The following ABHD2 variants were observed in gnomAD, a reference collection of about 807,000 sequenced individuals.
The protein encoded by ABHD2 is monoacylglycerol lipase ABHD2.
A neutral mutation model predicts 48.1 loss-of-function variants in ABHD2; 20 were observed. The ratio of observed to expected loss-of-function variants is 0.42; its 90% CI spans 0.29 to 0.60. The LOEUF (loss-of-function observed/expected upper bound fraction) is 0.60. ABHD2 is among the 20% of genes least tolerant of loss of function. The probability of loss-of-function intolerance (pLI) is 0.24; values close to 1 mark genes in which losing one functional copy is unlikely to be tolerated. For missense variants in ABHD2, 405 were observed against 550.9 expected (o/e 0.74, Z 2.65); for synonymous variants, 209 against 214.2 (o/e 0.98, Z 0.21).
intron 5 of ABHD2, among the ~76,000 whole-genome samples, chr15:89,161,929 T>G (rs1361740350): frequency 6.6e-6 from 1 of 152,220 alleles, no homozygotes; most frequent in African/African-American, 2.4e-5. Context: ...TGGTTTCTTC[T>G]GAGACCTCTC....
the ABHD2 span, among the ~76,000 whole-genome samples, chr15:89,071,236 A>G: frequency 6.6e-6 from 1 of 152,162 alleles, no homozygotes; most frequent in South Asian, 2.1e-4. Flanking sequence ...CCTGGCCAAC[A>G]TGGTGAAACC....
chr15:89,189,785 G>A lies in ABHD2; in HGVS notation c.927-1295G>A. On this transcript the variant is annotated intron_variant, in intron 8 of 10. Transcript: ENST00000352732. The surrounding 1 kb of genome is among the most constrained non-coding windows in gnomAD (Gnocchi z 4.9). ...GTGTGTGACTGTATTGCGGTGTGTG[G>A]TAAGAAAAAACAAATTAAATTTCCC... is the stretch of plus-strand genomic sequence containing the variant. 7.1e-6 allele frequency among the ~76,000 whole-genome samples: 1 copy of A among 139,966 alleles called. No homozygotes were observed. The highest frequency in any genetic ancestry group is 1.9e-4 in the East Asian group (1 of 5,198). The allele number at this position is 139,966 out of a possible 152,430, so 91.8% of individuals were successfully genotyped here. A position where few individuals can be genotyped will look rare whatever the true frequency, so the allele number is the denominator to read the frequency against.
intron 3 of ABHD2, among the ~76,000 whole-genome samples, chr15:89,144,385 G>T (rs1430411131): frequency 6.6e-6 from 1 of 152,114 alleles, no homozygotes; most frequent in Non-Finnish European, 1.5e-5. Context: ...TGCCTGCCTT[G>T]GCCTCCCAAA....
chr15:89,176,127 G>C lies in ABHD2; in HGVS notation c.722+132G>C, dbSNP rs2051009320. On this transcript the variant is annotated intron_variant, in intron 6 of 10. Transcript: ENST00000352732. This position sits in a 1 kb window ranked among gnomAD's most constrained non-coding sequence, Gnocchi z 4.5. ...ACTGAGTAGAAGTTTCTGAGTCTTG[G>C]ACTCACCTTGTTTTGTCTGCATATC... 2.0e-6 allele frequency: 2 copies of C among 983,916 alleles called. No individual in the cohort carries two copies. The highest frequency in any genetic ancestry group is 3.9e-5 in the South Asian group (2 of 50,968). The allele number at this position is 983,916 out of a possible 1,614,324, so 60.9% of individuals were successfully genotyped here. A position where few individuals can be genotyped will look rare whatever the true frequency, so the allele number is the denominator to read the frequency against.
intron 1 of ABHD2, among the ~76,000 whole-genome samples, chr15:89,098,364 C>T (rs897951782): frequency 6.6e-6 from 1 of 151,970 alleles, no homozygotes. Flanking sequence ...GAGAAAAATT[C>T]AGAGTTCAGC....
At chr15:89,138,826 G>A (rs534804437) in intron 3 of ABHD2, among the ~76,000 whole-genome samples, 250 of 152,012 alleles carry the variant, frequency 1.6e-3, no homozygotes, top group African/African-American at 5.9e-3. Context: ...GCTTTGGACT[G>A]AATCAGAGAC....
At chr15:89,126,076 G>A (rs937303710) in intron 3 of ABHD2, among the ~76,000 whole-genome samples, 4 of 152,040 alleles carry the variant, frequency 2.6e-5, no homozygotes, top group African/African-American at 9.7e-5. Context: ...CCCTTATACC[G>A]CCCTATTCAT....
At chr15:89,187,186 C>T (rs780442199) in intron 7 of ABHD2, among the ~76,000 whole-genome samples, 4 of 152,208 alleles carry the variant, frequency 2.6e-5, no homozygotes, top group Non-Finnish European at 4.4e-5. Context: ...TGACTCCTCC[C>T]AGGAAACATT....
chr15:89,141,503 T>G (rs1484002231), intron 3 of ABHD2, among the ~76,000 whole-genome samples: 1 of 152,090 alleles, frequency 6.6e-6, no homozygotes, highest in Non-Finnish European at 1.5e-5. Context: ...CATGGTGGCG[T>G]GCGCCTGTAA....
At chr15:89,143,559 T>TG (rs1476451950) in intron 3 of ABHD2, among the ~76,000 whole-genome samples, 1 of 151,938 alleles carries the variant, frequency 6.6e-6, no homozygotes, top group Non-Finnish European at 1.5e-5. Context: ...CCCAGCTACA[T>TG]GGGAGGCTTA....
chr15:89,167,851 G>A lies in ABHD2; in HGVS notation c.539-7961G>A, dbSNP rs1400734657. Among the ~76,000 whole-genome samples the A allele has an allele frequency of 6.6e-6, 1 of 152,226 alleles. No individual in the cohort carries two copies. The highest frequency in any genetic ancestry group is 2.4e-5 in the African/African-American group (1 of 41,452). On this transcript the variant is annotated intron_variant, in intron 5 of 10. Coordinates refer to ENST00000352732, the MANE Select transcript of ABHD2 (RefSeq NM_152924.5). This position sits in a 1 kb window ranked among gnomAD's most constrained non-coding sequence, Gnocchi z 5.5. The stretch of plus-strand genomic sequence containing the variant: ...GTCAGCGAGCCATGTTAGCTTAACT[G>A]TATTTTTCTCTTAGGCTAAACTTAG...
chr15:89,172,845 T>G (rs2050952239), intron 5 of ABHD2, among the ~76,000 whole-genome samples: 1 of 152,216 alleles, frequency 6.6e-6, no homozygotes, highest in African/African-American at 2.4e-5. Flanking sequence ...TCTGGGCTGT[T>G]TGTTGAAAGT....
In ABHD2 at chr15:89,195,244, A is replaced by C. The variant is rs147106119; in HGVS notation, c.1099A>C (p.Met367Leu). 2.6e-4 allele frequency: 416 copies of C among 1,613,780 alleles called. 2 individuals are homozygous for C. The African/African-American group carries it at 5.2e-3, about 20-fold the overall frequency. ...CCCTGCAGAGAAACGAGAGAACGTCATGTTTGTGCTGCCTCTGCATGGGGG... is the reference window on the plus strand; with the variant it reads ...CCCTGCAGAGAAACGAGAGAACGTCCTGTTTGTGCTGCCTCTGCATGGGGG... ...KSLSEKRENV[M>L]FVLPLHGGHL... Residue 367 changes from methionine (M) to leucine (L), a missense_variant, in exon 11 of 11, where the codon ATG becomes CTG. Coordinates refer to ENST00000352732, the MANE Select transcript of ABHD2 (RefSeq NM_152924.5). This position sits in a 1 kb window ranked among gnomAD's most constrained non-coding sequence, Gnocchi z 5.1.
At chr15:89,141,520 C>A (rs915296781) in intron 3 of ABHD2, among the ~76,000 whole-genome samples, 40 of 152,266 alleles carry the variant, frequency 2.6e-4, no homozygotes, top group Non-Finnish European at 4.0e-4. Flanking sequence ...GTAACCCCAG[C>A]TACCCAGGAG....
chr15:89,045,330 A>G, the ABHD2 span, among the ~76,000 whole-genome samples: 1 of 152,218 alleles, frequency 6.6e-6, no homozygotes, highest in South Asian at 2.1e-4. Flanking sequence ...GTTTGAAGTC[A>G]GGTAGTGTGA....
At position 89,195,560 on chromosome 15, in the gene ABHD2, A is replaced by C; in HGVS notation, c.*137A>C. On this transcript the variant is annotated 3_prime_UTR_variant, in exon 11 of 11. Transcript: ENST00000352732. This position sits in a 1 kb window ranked among gnomAD's most constrained non-coding sequence, Gnocchi z 5.1. ...TCAGCAGGGGGCACCCACCATGCACACCTGTCTCGGAGTAGGCAGCTCTTC... is the reference window on the plus strand; with the variant it reads ...TCAGCAGGGGGCACCCACCATGCACCCCTGTCTCGGAGTAGGCAGCTCTTC... 2.2e-6 allele frequency: 2 copies of C among 893,284 alleles called. No homozygotes were observed. The highest frequency in any genetic ancestry group is 1.9e-5 in the South Asian group (1 of 52,834). 55.3% of individuals were successfully genotyped at this position (893,284 alleles called of 1,614,324 possible).
At chr15:89,043,536 G>C in the ABHD2 span, among the ~76,000 whole-genome samples, 1 of 148,150 alleles carries the variant, frequency 6.7e-6, no homozygotes, top group African/African-American at 2.5e-5. Context: ...GGGAGGAGGG[G>C]AAGGGAAAGA....
At chr15:89,141,205 C>T (rs537839946) in intron 3 of ABHD2, among the ~76,000 whole-genome samples, 1 of 152,102 alleles carries the variant, frequency 6.6e-6, no homozygotes, top group African/African-American at 2.4e-5. Flanking sequence ...TGGTCTCAAA[C>T]TCCTGGCCTC....
At chr15:89,074,363 G>A in the ABHD2 span, among the ~76,000 whole-genome samples, 6 of 149,690 alleles carry the variant, frequency 4.0e-5, no homozygotes, top group African/African-American at 1.5e-4. Flanking sequence ...GGGCAAGAGC[G>A]AAACTCCATC....
Sources: allele counts gnomAD v4.1 joint callset (sites outside exome capture counted in the v4.1 genomes callset), GRCh38; gene constraint gnomAD v4.1.1; non-coding constraint Gnocchi (gnomAD v3.1); transcripts MANE v1.5; gene names NCBI Gene and HGNC (gene_info 2026-07-23, HGNC 2026-07-21).